Variants in ROBO1 observed in about 807,000 individuals in gnomAD.
ROBO1 encodes the protein roundabout homolog 1.
ROBO1 carries 149 observed loss-of-function variants against 195.9 expected under a neutral mutation model. That is an observed-to-expected ratio of 0.76 (90% CI 0.67 to 0.87). The LOEUF (loss-of-function observed/expected upper bound fraction) is 0.87. ROBO1 is among the 40% of genes least tolerant of loss of function. The pLI is 0.00. For missense variants in ROBO1, 1,933 were observed against 2,068.3 expected, an observed-to-expected ratio of 0.93 and a Z score of 1.27; for synonymous variants, 816 against 733.2, an observed-to-expected ratio of 1.11 and a Z score of -1.82.
At chr3:79,010,790 G>C (rs1360419169) in intron 3 of ROBO1, among the ~76,000 whole-genome samples, 1 of 152,084 alleles carries the variant, frequency 6.6e-6, no homozygotes, top group Non-Finnish European at 1.5e-5. Flanking sequence ...TGTTCAATCT[G>C]AATTCATGGA....
At position 79,353,322 on chromosome 3, in the gene ROBO1, A is replaced by G. The variant is rs150644871; in HGVS notation, c.89-227783T>C. Among the ~76,000 whole-genome samples the G allele has an allele frequency of 2.7e-3, 416 of 152,234 alleles. 2 individuals are homozygous for G. The highest frequency in any genetic ancestry group is 8.1e-3 in the Admixed American group (124 of 15,282). On this transcript the variant is annotated intron_variant, in intron 2 of 30. Transcript: ENST00000464233. The stretch of plus-strand genomic sequence containing the variant: ...ATAATAGATATATGATTAAGGTAGA[A>G]ATATAGAGGAAAAAATAATTCTGAT...
chr3:79,118,004 C>T (rs2080039531), intron 3 of ROBO1, among the ~76,000 whole-genome samples: 1 of 152,142 alleles, frequency 6.6e-6, no homozygotes, highest in Non-Finnish European at 1.5e-5. Context: ...ACAATAATTG[C>T]CATAGGGCCA....
At chr3:79,577,046 G>T (rs6795790) in intron 2 of ROBO1, among the ~76,000 whole-genome samples, 89,041 of 151,978 alleles carry the variant, frequency 0.59, 27,890 homozygotes, top group African/African-American at 0.83. Context: ...GTTTTCAATC[G>T]TAATTTTTGT....
At chr3:79,432,897 T>C (rs1223449292) in intron 2 of ROBO1, among the ~76,000 whole-genome samples, 2 of 152,130 alleles carry the variant, frequency 1.3e-5, no homozygotes, top group Admixed American at 6.6e-5. Flanking sequence ...TAATGGAAAA[T>C]CCTGTCTTCA....
intron 4 of ROBO1, among the ~76,000 whole-genome samples, chr3:78,861,718 C>T (rs895349473): frequency 6.6e-6 from 1 of 152,166 alleles, no homozygotes; most frequent in Non-Finnish European, 1.5e-5. Flanking sequence ...ATCTTCTTTT[C>T]TTCCCATTAG....
intron 4 of ROBO1, among the ~76,000 whole-genome samples, chr3:78,790,808 T>C (rs775471012): frequency 3.9e-5 from 6 of 152,180 alleles, no homozygotes; most frequent in Non-Finnish European, 7.3e-5. Flanking sequence ...CATTTTGCAT[T>C]TGATTCCCTT....
rs1000197304 is a variant in ROBO1 at position 79,555,495 on chromosome 3, C to T, written c.88+34329G>A. On this transcript the variant is annotated intron_variant, in intron 2 of 30. Transcript: ENST00000464233. The stretch of plus-strand genomic sequence containing the variant: ...GAGAAGAAAGAGAAGGGAAAGTTGC[C>T]GATTTACATTTATGGAACAGTAGAA... Among the ~76,000 whole-genome samples, 4 of 152,066 alleles carry T rather than the reference C, an allele frequency of 2.6e-5. No homozygotes were observed. The South Asian group carries it at 8.3e-4, about 32-fold the overall frequency.
chr3:78,940,848 C>T (rs535639984), intron 3 of ROBO1, among the ~76,000 whole-genome samples: 3 of 152,220 alleles, frequency 2.0e-5, no homozygotes, highest in African/African-American at 7.2e-5. Context: ...GTGCACATTA[C>T]AGTACTCAGT....
rs567864490 is a variant in ROBO1, at chr3:79,367,277, T to C, written c.88+222547A>G. ...GAGTTAGAGACTGACTCAGTTTGAA[T>C]GGAATCAGGGAATTTCCAGCTTTCA... On this transcript the variant is annotated intron_variant, in intron 2 of 30. Coordinates refer to ENST00000464233, the MANE Select transcript of ROBO1 (RefSeq NM_002941.4). 2.6e-5 allele frequency among the ~76,000 whole-genome samples: 4 copies of C among 152,306 alleles called. No homozygotes were observed. The South Asian group carries it at 8.3e-4, about 32-fold the overall frequency.
At chr3:78,749,037 A>T (rs2082726419) in intron 4 of ROBO1, among the ~76,000 whole-genome samples, 1 of 152,190 alleles carries the variant, frequency 6.6e-6, no homozygotes, top group Admixed American at 6.5e-5. Flanking sequence ...ATAAACTTAT[A>T]TTATTATTAG....
intron 2 of ROBO1, among the ~76,000 whole-genome samples, chr3:79,369,669 G>A (rs2036115972): frequency 6.6e-6 from 1 of 151,992 alleles, no homozygotes; most frequent in South Asian, 2.1e-4. Flanking sequence ...ATTTTAAAGA[G>A]GCTTCTTTCT....
At chr3:79,549,485 T>C (rs936529906) in intron 2 of ROBO1, among the ~76,000 whole-genome samples, 1 of 152,150 alleles carries the variant, frequency 6.6e-6, no homozygotes, top group African/African-American at 2.4e-5. Context: ...CAACTGCAGA[T>C]TGAAATTATT....
At chr3:79,048,109 C>A (rs1161411356) in intron 3 of ROBO1, among the ~76,000 whole-genome samples, 1 of 152,068 alleles carries the variant, frequency 6.6e-6, no homozygotes, top group Non-Finnish European at 1.5e-5. Context: ...ACCTTGCAAC[C>A]TTCCCAAGAC....
At chr3:79,687,463 C>T (rs575056567) in intron 1 of ROBO1, among the ~76,000 whole-genome samples, 1 of 152,178 alleles carries the variant, frequency 6.6e-6, no homozygotes, top group African/African-American at 2.4e-5. Context: ...AAATTTTTCG[C>T]AATGTACTCA....
intron 3 of ROBO1, among the ~76,000 whole-genome samples, chr3:79,103,019 A>C (rs529399337): frequency 2.0e-5 from 3 of 151,926 alleles, no homozygotes; most frequent in African/African-American, 7.2e-5. Context: ...AGTTCGTCTA[A>C]TATGATTCTA....
chr3:79,375,514 T>C (rs916863324), intron 2 of ROBO1, among the ~76,000 whole-genome samples: 12 of 152,254 alleles, frequency 7.9e-5, no homozygotes, highest in African/African-American at 2.9e-4. Flanking sequence ...AGAGTTGAAA[T>C]AGTCACCAGC....
intron 8 of ROBO1, among the ~76,000 whole-genome samples, chr3:78,699,270 G>A (rs144203883): frequency 5.1e-4 from 77 of 152,048 alleles, no homozygotes; most frequent in Middle Eastern, 3.4e-3. Flanking sequence ...GCTAGGCGCA[G>A]TGGCTCATGT....
Position 78,737,045 on chromosome 3 carries a change from G to A in ROBO1, c.657+9698C>T, listed in dbSNP as rs147415659. Among the ~76,000 whole-genome samples, 688 of 152,276 alleles carry A rather than the reference G, an allele frequency of 4.5e-3. 8 individuals carry two copies. Among genetic ancestry groups the A allele is most frequent in the African/African-American group, 0.015 (641 of 41,562 alleles). ...ATGGTGGGTACCTTTAGGGCATTAG[G>A]ACAGAATTCTCCTGTGGAATAACCA... is the stretch of plus-strand genomic sequence containing the variant. On this transcript the variant is annotated intron_variant, in intron 5 of 30. Coordinates refer to ENST00000464233, the MANE Select transcript of ROBO1 (RefSeq NM_002941.4).
chr3:79,202,536 T>G (rs1473431835), intron 2 of ROBO1, among the ~76,000 whole-genome samples: 1 of 124,336 alleles, frequency 8.0e-6, no homozygotes, highest in South Asian at 2.4e-4. Flanking sequence ...TTAATCTACA[T>G]AAAAAATCAG....
Sources: gnomAD v4.1 joint callset for allele counts (sites outside exome capture counted in the v4.1 genomes callset) on GRCh38, gnomAD v4.1.1 for gene constraint, MANE v1.5 for transcripts, NCBI Gene and HGNC (gene_info 2026-07-23, HGNC 2026-07-21) for gene names.